Variants in MACROD2 observed in about 807,000 individuals in gnomAD.
The protein encoded by MACROD2 is mono-ADP ribosylhydrolase 2, also known as ADP-ribose glycohydrolase MACROD2.
A neutral mutation model predicts 70.4 loss-of-function variants in MACROD2; 36 were observed. The observed-to-expected ratio is 0.51, with a 90% CI of 0.39 to 0.68. The LOEUF (loss-of-function observed/expected upper bound fraction) is 0.68, where lower values mean the gene tolerates loss of function less well. Among genes scored for constraint, MACROD2 ranks in the 30% least tolerant of loss-of-function variants. MACROD2 has a pLI of 0.00. For synonymous variants in MACROD2, 172 were observed against 178.8 expected (o/e 0.96, Z 0.30); for missense variants, 496 against 538.4 (o/e 0.92, Z 0.78).
chr20:15,387,039 C>G (rs191252275), intron 6 of MACROD2, among the ~76,000 whole-genome samples: 1 of 152,180 alleles, frequency 6.6e-6, no homozygotes, highest in Non-Finnish European at 1.5e-5. Flanking sequence ...TAAGAGCAAA[C>G]CAGCTCAACT....
chr20:14,542,169 G>C (rs764103384), intron 4 of MACROD2, among the ~76,000 whole-genome samples: 1 of 152,118 alleles, frequency 6.6e-6, no homozygotes, highest in Admixed American at 6.5e-5. Context: ...GACCGCAGTC[G>C]CCATCACACC....
At chr20:14,526,068 A>G (rs60134972) in intron 4 of MACROD2, among the ~76,000 whole-genome samples, 8,417 of 152,222 alleles carry the variant, frequency 0.055, 748 homozygotes, top group African/African-American at 0.19. Flanking sequence ...TTGGCTGTAA[A>G]ATATCTTGCA....
At chr20:14,771,321 C>G (rs1351819335) in intron 5 of MACROD2, among the ~76,000 whole-genome samples, 1 of 151,876 alleles carries the variant, frequency 6.6e-6, no homozygotes, top group Non-Finnish European at 1.5e-5. Flanking sequence ...ATTGGCTTTG[C>G]TTCTATGGAG....
chr20:15,056,193 C>G (rs1258821456), intron 5 of MACROD2, among the ~76,000 whole-genome samples: 2 of 152,166 alleles, frequency 1.3e-5, no homozygotes, highest in African/African-American at 4.8e-5. Context: ...AGGTAAAACA[C>G]AGAGCACTCT....
chr20:14,301,831 T>C (rs1233717927), intron 3 of MACROD2, among the ~76,000 whole-genome samples: 1 of 152,200 alleles, frequency 6.6e-6, no homozygotes, highest in Non-Finnish European at 1.5e-5. Context: ...AACATAGATT[T>C]CTGGAAAGCA....
At chr20:15,097,322 A>G (rs1363995758) in intron 5 of MACROD2, among the ~76,000 whole-genome samples, 1 of 152,194 alleles carries the variant, frequency 6.6e-6, no homozygotes, top group Non-Finnish European at 1.5e-5. Flanking sequence ...ATAGGAAATG[A>G]TGAGTATCTT....
intron 7 of MACROD2, among the ~76,000 whole-genome samples, chr20:15,439,423 G>T (rs1017021513): frequency 3.3e-5 from 5 of 152,170 alleles, no homozygotes; most frequent in Admixed American, 6.5e-5. Context: ...TCAAGAGTGA[G>T]CATACCCATT....
chr20:15,539,804 G>A (rs939408567), intron 8 of MACROD2, among the ~76,000 whole-genome samples: 1 of 152,130 alleles, frequency 6.6e-6, no homozygotes, highest in Non-Finnish European at 1.5e-5. Context: ...TGGCTAACAC[G>A]GTGAAACTCT....
chr20:15,845,618 A>G (rs1212344587), intron 8 of MACROD2, among the ~76,000 whole-genome samples: 1 of 152,122 alleles, frequency 6.6e-6, no homozygotes, highest in Non-Finnish European at 1.5e-5. Context: ...AGAATTCACA[A>G]AATTTTATCT....
chr20:14,173,807 G>A (rs2081242453), intron 3 of MACROD2, among the ~76,000 whole-genome samples: 1 of 152,126 alleles, frequency 6.6e-6, no homozygotes, highest in South Asian at 2.1e-4. Flanking sequence ...GTCCCACAGG[G>A]TGCTCCCTTG....
chr20:15,958,506 G>A (rs1288792737), intron 12 of MACROD2, among the ~76,000 whole-genome samples: 2 of 152,132 alleles, frequency 1.3e-5, no homozygotes, highest in Non-Finnish European at 2.9e-5. Context: ...AACTGAAATG[G>A]AGAAAGAGAA....
At chr20:15,639,748 C>T (rs1463536011) in intron 8 of MACROD2, among the ~76,000 whole-genome samples, 1 of 152,114 alleles carries the variant, frequency 6.6e-6, no homozygotes, top group Non-Finnish European at 1.5e-5. Context: ...AGTGGGACCT[C>T]AAGCCTCTTT....
At chr20:14,371,783 G>A (rs976996996) in intron 3 of MACROD2, among the ~76,000 whole-genome samples, 1 of 151,954 alleles carries the variant, frequency 6.6e-6, no homozygotes, top group African/African-American at 2.4e-5. Flanking sequence ...AAAGCCATTT[G>A]TGCCTAGGTT....
intron 13 of MACROD2, among the ~76,000 whole-genome samples, chr20:15,986,137 G>C (rs572341999): frequency 1.7e-4 from 26 of 152,316 alleles, no homozygotes; most frequent in African/African-American, 4.8e-4. Context: ...TGGTTTCGGG[G>C]CTGGTGCCGG....
intron 6 of MACROD2, among the ~76,000 whole-genome samples, chr20:15,425,991 G>A (rs1391745438): frequency 2.6e-5 from 4 of 152,152 alleles, no homozygotes; most frequent in Non-Finnish European, 5.9e-5. Flanking sequence ...AGACAGAAAG[G>A]GAAGAAATGA....
intron 15 of MACROD2, among the ~76,000 whole-genome samples, chr20:15,997,305 T>A (rs11087156): frequency 0.13 from 20,112 of 152,126 alleles, 1,692 homozygotes; most frequent in Non-Finnish European, 0.2. Context: ...TTTGGGCATT[T>A]TAACAACATT....
chr20:15,200,273 G>A (rs1415227836), intron 5 of MACROD2, among the ~76,000 whole-genome samples: 3 of 152,168 alleles, frequency 2.0e-5, no homozygotes, highest in Non-Finnish European at 4.4e-5. Context: ...AACTTCACAT[G>A]CTACTTTGAT....
chr20:15,429,594 T>A (rs2046340213), intron 6 of MACROD2, among the ~76,000 whole-genome samples: 5 of 151,992 alleles, frequency 3.3e-5, no homozygotes, highest in Admixed American at 3.3e-4. Flanking sequence ...TTAATAGAAA[T>A]AAAAGGCAGT....
chr20:15,485,264 G>A (rs753204391), intron 7 of MACROD2, among the ~76,000 whole-genome samples: 3 of 151,974 alleles, frequency 2.0e-5, no homozygotes, highest in Non-Finnish European at 4.4e-5. Context: ...GAAATACTGA[G>A]CAAACATCGA....
Sources: allele counts gnomAD v4.1 joint callset (sites outside exome capture counted in the v4.1 genomes callset), GRCh38; gene constraint gnomAD v4.1.1; transcripts MANE v1.5; gene names NCBI Gene and HGNC (gene_info 2026-07-23, HGNC 2026-07-21).